EXOC6B: variants seen among roughly 807,000 people sequenced by gnomAD.
EXOC6B encodes the protein exocyst complex component 6B, also known as SEC15 homolog B.
In EXOC6B, 54 loss-of-function variants were observed where a neutral mutation model predicts 113.5. That is an observed-to-expected ratio of 0.48 (90% CI 0.38 to 0.60). The LOEUF is 0.60. EXOC6B is among the 20% of genes least tolerant of loss of function. EXOC6B has a pLI of 0.00. For missense variants in EXOC6B, 797 were observed against 977.5 expected, an observed-to-expected ratio of 0.82 and a Z score of 2.46; for synonymous variants, 357 against 339.0, an observed-to-expected ratio of 1.05 and a Z score of -0.58.
chr2:72,374,222 A>T (rs913498020), intron 19 of EXOC6B, among the ~76,000 whole-genome samples: 2 of 152,346 alleles, frequency 1.3e-5, no homozygotes, highest in East Asian at 3.8e-4. Context: ...AAGAGATTTT[A>T]TATCTGCACT....
rs190716767 is a variant in EXOC6B, at chr2:72,615,063, G to A, written c.670-39395C>T. Reference sequence around the variant, plus strand: ...AGAGCAGAACAAAATATTTAAATGGGGGAGGGAGGAGGTAAGGAAAGAAAA... The same window carrying A: ...AGAGCAGAACAAAATATTTAAATGGAGGAGGGAGGAGGTAAGGAAAGAAAA... On this transcript the variant is annotated intron_variant, in intron 6 of 21. Coordinates refer to ENST00000272427, the MANE Select transcript of EXOC6B (RefSeq NM_015189.3). 3.0e-4 allele frequency among the ~76,000 whole-genome samples: 45 copies of A among 152,174 alleles called. 1 individual carries two copies. The East Asian group carries it at 8.3e-3, about 28-fold the overall frequency.
At chr2:72,518,483 GGTGTGTGTGTGTGT>G (rs138382972) in intron 8 of EXOC6B, among the ~76,000 whole-genome samples, 16 of 143,476 alleles carry the variant, frequency 1.1e-4, no homozygotes, top group South Asian at 2.3e-4. Context: ...ATTAAAGTAG[GGTGTGTGTGTGTGT>G]GTGTGTGTGT....
At chr2:72,582,802 G>C (rs1375767125) in intron 6 of EXOC6B, among the ~76,000 whole-genome samples, 1 of 152,134 alleles carries the variant, frequency 6.6e-6, no homozygotes, top group Non-Finnish European at 1.5e-5. Context: ...TTTAGGGTTG[G>C]GGAGTGATGG....
intron 20 of EXOC6B, among the ~76,000 whole-genome samples, chr2:72,209,348 G>C (rs1044935527): frequency 6.6e-6 from 1 of 151,234 alleles, no homozygotes; most frequent in African/African-American, 2.4e-5. Context: ...ACAAGTAAAA[G>C]TCCCTTAGCT....
chr2:72,403,430 T>C (rs1331846600), intron 18 of EXOC6B, among the ~76,000 whole-genome samples: 1 of 152,154 alleles, frequency 6.6e-6, no homozygotes, highest in African/African-American at 2.4e-5. Context: ...CTCATACCTA[T>C]AATCACAGTG....
At chr2:72,700,036 T>A (rs558241769) in intron 6 of EXOC6B, among the ~76,000 whole-genome samples, 2 of 152,332 alleles carry the variant, frequency 1.3e-5, no homozygotes, top group African/African-American at 4.8e-5. Context: ...TTAAATCATC[T>A]CTAGATTACC....
At chr2:72,278,213 C>T (rs752197511) in intron 20 of EXOC6B, among the ~76,000 whole-genome samples, 47 of 152,200 alleles carry the variant, frequency 3.1e-4, no homozygotes, top group Non-Finnish European at 5.6e-4. Flanking sequence ...ACCCAGAAAT[C>T]CTGAGTCATC....
At chr2:72,474,140 T>G (rs1449388088) in intron 17 of EXOC6B, among the ~76,000 whole-genome samples, 1 of 152,110 alleles carries the variant, frequency 6.6e-6, no homozygotes, top group Non-Finnish European at 1.5e-5. Flanking sequence ...ACTGTTAGTC[T>G]GATGATGATT....
intron 1 of EXOC6B, among the ~76,000 whole-genome samples, chr2:72,751,664 A>G (rs1182762466): frequency 6.6e-6 from 1 of 152,156 alleles, no homozygotes; most frequent in Non-Finnish European, 1.5e-5. Flanking sequence ...GAAACAAGAA[A>G]TGGAAAGGAA....
intron 8 of EXOC6B, chr2:72,515,353 C>T: frequency 9.7e-7 from 1 of 1,027,644 alleles, no homozygotes; most frequent in Non-Finnish European, 1.3e-6. Context: ...TTACAAGGAA[C>T]CTACCAGAAC....
chr2:72,502,628 G>T (rs1177102256), intron 11 of EXOC6B, among the ~76,000 whole-genome samples: 1 of 152,032 alleles, frequency 6.6e-6, no homozygotes, highest in African/African-American at 2.4e-5. Flanking sequence ...CCTTTATTTT[G>T]CCCTCTAACT....
chr2:72,821,705 C>A (rs1686590350), intron 1 of EXOC6B, among the ~76,000 whole-genome samples: 1 of 151,992 alleles, frequency 6.6e-6, no homozygotes, highest in Non-Finnish European at 1.5e-5. Context: ...ACCAAAAAAA[C>A]CCATATTGTT....
At chr2:72,731,408 A>T (rs1217816982) in intron 3 of EXOC6B, among the ~76,000 whole-genome samples, 163 bp from the exon 4 acceptor site, 4 of 152,222 alleles carry the variant, frequency 2.6e-5, no homozygotes, top group African/African-American at 9.6e-5. Flanking sequence ...CCAGTAAAAC[A>T]TTCCTGCACA....
At chr2:72,350,150 T>C (rs957878898) in intron 19 of EXOC6B, among the ~76,000 whole-genome samples, 72 of 152,340 alleles carry the variant, frequency 4.7e-4, no homozygotes, top group African/African-American at 1.7e-3. Context: ...CATTTTTATC[T>C]ACATGGCCAC....
chr2:72,601,190 CT>C (rs1558833669), intron 6 of EXOC6B, among the ~76,000 whole-genome samples: 1 of 132,094 alleles, frequency 7.6e-6, no homozygotes, highest in Non-Finnish European at 1.6e-5. Context: ...ATCTTTTTTT[CT>C]TTTTTTCCTG....
At chr2:72,397,671 T>C (rs1558625796) in intron 18 of EXOC6B, among the ~76,000 whole-genome samples, 1 of 121,320 alleles carries the variant, frequency 8.2e-6, no homozygotes, top group African/African-American at 4.6e-5. Context: ...TATATATATA[T>C]ACACTCATAT....
chr2:72,587,990 A>G (rs1705699872), intron 6 of EXOC6B, among the ~76,000 whole-genome samples: 1 of 152,176 alleles, frequency 6.6e-6, no homozygotes, highest in Non-Finnish European at 1.5e-5. Flanking sequence ...AGATATCCTC[A>G]CACCCATTAG....
chr2:72,194,845 G>A (rs1679073480), intron 20 of EXOC6B, among the ~76,000 whole-genome samples: 1 of 152,046 alleles, frequency 6.6e-6, no homozygotes, highest in Admixed American at 6.6e-5. Flanking sequence ...CCTGAGCTTT[G>A]CAACAACGGC....
rs923099690 is a variant in EXOC6B, at chr2:72,652,671, G to C, written c.669+65432C>G. ...TATAAAGCATCTTATATAAATATAT[G>C]TATATATAAATGATTGTATACATTA... On this transcript the variant is annotated intron_variant, in intron 6 of 21. Transcript: ENST00000272427. Among the ~76,000 whole-genome samples the C allele has an allele frequency of 2.7e-5, 4 of 148,392 alleles. No homozygotes were observed. In the South Asian group the frequency reaches 8.4e-4, roughly 31 times the overall value.
Sources: allele counts gnomAD v4.1 joint callset (sites outside exome capture counted in the v4.1 genomes callset), GRCh38; gene constraint gnomAD v4.1.1; transcripts MANE v1.5; gene names NCBI Gene and HGNC (gene_info 2026-07-23, HGNC 2026-07-21).